LINGO2: variants seen among roughly 807,000 people sequenced by gnomAD.
The protein encoded by LINGO2 is leucine-rich repeat and immunoglobulin-like domain-containing nogo receptor-interacting protein 2.
LINGO2 carries 14 observed loss-of-function variants against 30.6 expected under a neutral mutation model. That is an observed-to-expected ratio of 0.46 (90% CI 0.30 to 0.72). The LOEUF (loss-of-function observed/expected upper bound fraction) is 0.72, where lower values mean the gene tolerates loss of function less well. LINGO2 is among the 30% of genes least tolerant of loss of function. The probability of loss-of-function intolerance (pLI) is 0.07; values close to 1 mark genes in which losing one functional copy is unlikely to be tolerated. For synonymous variants in LINGO2, 317 were observed against 288.5 expected, an observed-to-expected ratio of 1.10 and a Z score of -1.00; for missense variants, 729 against 751.7, an observed-to-expected ratio of 0.97 and a Z score of 0.35.
the LINGO2 span, among the ~76,000 whole-genome samples, chr9:28,967,016 C>A: frequency 2.0e-5 from 3 of 152,014 alleles, no homozygotes; most frequent in Admixed American, 6.6e-5. Context: ...AAGATTTCAC[C>A]CATTTTGGAA....
At chr9:28,736,910 G>A in the LINGO2 span, among the ~76,000 whole-genome samples, 1 of 152,172 alleles carries the variant, frequency 6.6e-6, no homozygotes, top group Non-Finnish European at 1.5e-5. Flanking sequence ...TGCTTATGAT[G>A]TTCCAGGTGT....
At chr9:28,376,529 A>T (rs1821137897) in intron 2 of LINGO2, among the ~76,000 whole-genome samples, 1 of 152,174 alleles carries the variant, frequency 6.6e-6, no homozygotes, top group Non-Finnish European at 1.5e-5. Context: ...CTGGTAGCCC[A>T]CAGCTGAGTC....
chr9:29,094,577 A>G, the LINGO2 span, among the ~76,000 whole-genome samples: 9 of 139,010 alleles, frequency 6.5e-5, 3 homozygotes, highest in Non-Finnish European at 1.4e-4. Context: ...CACAGTAGGT[A>G]CCAGCTACAT....
At chr9:28,791,788 T>C in the LINGO2 span, among the ~76,000 whole-genome samples, 1 of 151,858 alleles carries the variant, frequency 6.6e-6, no homozygotes, top group Non-Finnish European at 1.5e-5. Context: ...TGGAGATAAG[T>C]TTAAAGTATT....
chr9:28,495,364 T>G (rs888189836), intron 1 of LINGO2, among the ~76,000 whole-genome samples: 5 of 152,236 alleles, frequency 3.3e-5, no homozygotes, highest in Admixed American at 1.3e-4. Flanking sequence ...AACATTTAAG[T>G]CTTTAATCCA....
chr9:28,813,366 A>T, the LINGO2 span, among the ~76,000 whole-genome samples: 1 of 152,198 alleles, frequency 6.6e-6, no homozygotes, highest in Non-Finnish European at 1.5e-5. Flanking sequence ...TAAAATAGAA[A>T]AATTATAACA....
chr9:27,997,170 T>G (rs910289489), intron 5 of LINGO2, among the ~76,000 whole-genome samples: 1 of 152,216 alleles, frequency 6.6e-6, no homozygotes. Context: ...AGTACAACTT[T>G]CTGCAACATT....
At chr9:28,675,928 T>TAC in the LINGO2 span, among the ~76,000 whole-genome samples, 2,192 of 135,608 alleles carry the variant, frequency 0.016, 41 homozygotes, top group East Asian at 0.09. Context: ...TATATATACA[T>TAC]ACACACACAC....
intron 2 of LINGO2, among the ~76,000 whole-genome samples, chr9:28,434,554 A>G (rs1193567748): frequency 6.7e-6 from 1 of 150,226 alleles, no homozygotes; most frequent in Non-Finnish European, 1.5e-5. Context: ...AAAATACTGG[A>G]GATGGGACTT....
chr9:28,526,560 A>C (rs1821047715), intron 1 of LINGO2, among the ~76,000 whole-genome samples: 1 of 152,238 alleles, frequency 6.6e-6, no homozygotes, highest in African/African-American at 2.4e-5. Context: ...CTTGTACACG[A>C]ATGTTCACAA....
chr9:28,182,409 C>T (rs1268365028), intron 4 of LINGO2, among the ~76,000 whole-genome samples: 2 of 152,210 alleles, frequency 1.3e-5, no homozygotes, highest in African/African-American at 4.8e-5. Context: ...CATGGGCAAA[C>T]ACTTCATGAT....
chr9:28,440,304 A>G (rs916847039), intron 2 of LINGO2, among the ~76,000 whole-genome samples: 1 of 152,218 alleles, frequency 6.6e-6, no homozygotes, highest in African/African-American at 2.4e-5. Flanking sequence ...CATAAGTCAA[A>G]TGTATATAAA....
intron 4 of LINGO2, among the ~76,000 whole-genome samples, chr9:28,013,136 G>A (rs1822644025): frequency 6.6e-6 from 1 of 152,144 alleles, no homozygotes; most frequent in Non-Finnish European, 1.5e-5. Flanking sequence ...TATTTTCTGA[G>A]CACTGGGTCT....
intron 2 of LINGO2, among the ~76,000 whole-genome samples, chr9:28,384,325 T>C (rs1045641708): frequency 1.3e-4 from 9 of 68,506 alleles, no homozygotes; most frequent in African/African-American, 3.1e-4. Flanking sequence ...TTCCATGTTA[T>C]GCACTATATA....
At chr9:28,453,631 G>A (rs1172450935) in intron 2 of LINGO2, among the ~76,000 whole-genome samples, 1 of 151,892 alleles carries the variant, frequency 6.6e-6, no homozygotes, top group Admixed American at 6.6e-5. Flanking sequence ...TTTTTCAAAA[G>A]AGGAGTAAAA....
At chr9:28,737,215 A>G in the LINGO2 span, among the ~76,000 whole-genome samples, 1 of 152,194 alleles carries the variant, frequency 6.6e-6, no homozygotes, top group Non-Finnish European at 1.5e-5. Context: ...AAGAAACAGG[A>G]AAAAGGAGGC....
intron 4 of LINGO2, among the ~76,000 whole-genome samples, chr9:28,237,981 T>C (rs1457555309): frequency 6.6e-6 from 1 of 152,158 alleles, no homozygotes; most frequent in Non-Finnish European, 1.5e-5. Context: ...GGAGTAGCTA[T>C]ACTTATATCA....
At chr9:28,354,756 T>C (rs57097749) in intron 3 of LINGO2, among the ~76,000 whole-genome samples, 49 of 152,316 alleles carry the variant, frequency 3.2e-4, no homozygotes, top group African/African-American at 1.1e-3. Context: ...TGTTCTACTG[T>C]ATATAAGTTC....
the LINGO2 span, among the ~76,000 whole-genome samples, chr9:28,880,141 C>T: frequency 6.6e-6 from 1 of 152,154 alleles, no homozygotes; most frequent in Non-Finnish European, 1.5e-5. Flanking sequence ...CTGAGTCTCG[C>T]TCTGTCGCCA....
Sources: gnomAD v4.1 joint callset for allele counts (sites outside exome capture counted in the v4.1 genomes callset) on GRCh38, gnomAD v4.1.1 for gene constraint, MANE v1.5 for transcripts, NCBI Gene and HGNC (gene_info 2026-07-23, HGNC 2026-07-21) for gene names.